Variants in RPL15 observed in about 807,000 individuals in gnomAD.
RPL15 encodes large ribosomal subunit protein eL15.
For synonymous variants in RPL15, 97 were observed against 95.1 expected, an observed-to-expected ratio of 1.02 and a Z score of -0.12; for missense variants, 161 against 271.8, an observed-to-expected ratio of 0.59 and a Z score of 2.87.
At chr3:23,917,655 G>T in intron 1 of RPL15, 195 bp from the exon 2 acceptor site, 1 of 573,688 alleles carries the variant, frequency 1.7e-6, no homozygotes, top group South Asian at 2.1e-5. Context: ...CTCTGTGCTG[G>T]GGTTGCGGAA....
Position 23,918,590 on chromosome 3 carries a change from A to C in RPL15, c.309+14A>C. 1 of 1,612,460 alleles carries C rather than the reference A, an allele frequency of 6.2e-7. No individual in the cohort carries two copies. The highest frequency in any genetic ancestry group is 8.5e-7 in the Non-Finnish European group (1 of 1,179,490). On this transcript the variant is annotated intron_variant, in intron 3 of 3. Transcript: ENST00000307839. ...TCCGTTGCAGAGGTAAATGGTTTTGAGTAGCAGTTATATTGAATACTGCCT... is the reference window on the plus strand; with the variant it reads ...TCCGTTGCAGAGGTAAATGGTTTTGCGTAGCAGTTATATTGAATACTGCCT...
chr3:23,918,933 A>G (rs1259202243), intron 3 of RPL15: 5 of 533,744 alleles, frequency 9.4e-6, no homozygotes, highest in Middle Eastern at 4.8e-4. Context: ...AAATTTTGTT[A>G]CCCAGATATT....
chr3:23,918,397 G>A (rs1704816923), intron 2 of RPL15, 43 bp from the exon 3 acceptor site: 4 of 1,600,496 alleles, frequency 2.5e-6, no homozygotes, highest in Middle Eastern at 2.3e-4. Flanking sequence ...TAAGCCTTAC[G>A]GCTTCCTATA....
chr3:23,917,655 G>C, intron 1 of RPL15, 195 bp from the exon 2 acceptor site: 1 of 573,688 alleles, frequency 1.7e-6, no homozygotes. Flanking sequence ...CTCTGTGCTG[G>C]GGTTGCGGAA....
chr3:23,922,748 T>C (rs1267840582), downstream of RPL15: 1 of 152,216 alleles, frequency 6.6e-6, no homozygotes, highest in Non-Finnish European at 1.5e-5. This position sits in a 1 kb window ranked among gnomAD's most constrained non-coding sequence, Gnocchi z 4.2. Context: ...GTATAGGCTC[T>C]ACAGTACAAA....
upstream of RPL15, chr3:23,916,925 T>G (rs1012077260): frequency 6.6e-6 from 1 of 152,590 alleles, no homozygotes; most frequent in African/African-American, 2.4e-5. Context: ...CGCCGCCAAC[T>G]CTCTCACCTC....
At chr3:23,921,626 G>C, downstream of RPL15, 1 of 647,062 alleles carries the variant, frequency 1.5e-6, no homozygotes, top group Non-Finnish European at 2.8e-6. Flanking sequence ...TCAGGTGGGA[G>C]TGCAGTGGGG....
At position 23,920,821 on chromosome 3, in the gene RPL15, A is replaced by T; in HGVS notation, c.*1320A>T. 2 of 930,972 alleles carry T rather than the reference A, an allele frequency of 2.1e-6. No individual in the cohort carries two copies. The highest frequency in any genetic ancestry group is 2.6e-6 in the Non-Finnish European group (2 of 780,304). The allele number at this position is 930,972 out of a possible 1,614,324, so 57.7% of individuals were successfully genotyped here. A position where few individuals can be genotyped will look rare whatever the true frequency, so the allele number is the denominator to read the frequency against. On this transcript the variant is annotated 3_prime_UTR_variant, in exon 4 of 4. Coordinates refer to ENST00000307839, the MANE Select transcript of RPL15 (RefSeq NM_002948.5). Reference sequence around the variant, plus strand: ...TGTGTAGAGGTTGTTCAACTGAAGGAATAAATGTCTATTAAACTAAAACAA... The same window carrying T: ...TGTGTAGAGGTTGTTCAACTGAAGGTATAAATGTCTATTAAACTAAAACAA...
rs1705018807 is a variant in RPL15 at position 23,920,522 on chromosome 3, T to G, written c.*1021T>G. 2 of 985,188 alleles carry G rather than the reference T, an allele frequency of 2.0e-6. No individual in the cohort carries two copies. Among genetic ancestry groups the G allele is most frequent in the African/African-American group, 1.7e-5 (1 of 57,242 alleles). 61.0% of individuals were successfully genotyped at this position (985,188 alleles called of 1,614,324 possible). ...GTATACCACCACATTGCATTTCTGT[T>G]TGCACCATGTCTTCCAGGAGACTAG... is the stretch of plus-strand genomic sequence containing the variant. On this transcript the variant is annotated 3_prime_UTR_variant, in exon 4 of 4. Transcript: ENST00000307839.
chr3:23,917,674 A>C (rs1575117940), intron 1 of RPL15, 176 bp from the exon 2 acceptor site: 1 of 611,242 alleles, frequency 1.6e-6, no homozygotes, highest in East Asian at 3.0e-5. Flanking sequence ...AAGTGACTGA[A>C]CGCGGCTCCG....
At position 23,917,841 on chromosome 3, in the gene RPL15, A is replaced by G; in HGVS notation, c.-10-9A>G. The stretch of plus-strand genomic sequence containing the variant: ...CGGATGATATTTAATACACAGTTTG[A>G]TTTCACAGGTAAGCCAAGATGGGTG... On this transcript the variant is annotated splice_polypyrimidine_tract_variant and intron_variant, in intron 1 of 3. Transcript: ENST00000307839. 3 of 1,606,488 alleles carry G rather than the reference A, an allele frequency of 1.9e-6. No homozygotes were observed. The highest frequency in any genetic ancestry group is 2.5e-6 in the Non-Finnish European group (3 of 1,177,086).
At chr3:23,922,698 T>C (rs951069585), downstream of RPL15, 3 of 152,248 alleles carry the variant, frequency 2.0e-5, no homozygotes, top group Admixed American at 1.3e-4. The surrounding 1 kb of genome is among the most constrained non-coding windows in gnomAD (Gnocchi z 4.2). Context: ...CTTAAAGTTT[T>C]TGATAGATAA....
At chr3:23,917,683 C>T (rs560830084) in intron 1 of RPL15, 167 bp from the exon 2 acceptor site, 3 of 646,908 alleles carry the variant, frequency 4.6e-6, no homozygotes, top group East Asian at 3.0e-5. Flanking sequence ...AACGCGGCTC[C>T]GTGGGCGCAG....
chr3:23,916,664 C>A (rs1213538753), upstream of RPL15: 1 of 152,618 alleles, frequency 6.6e-6, no homozygotes, highest in Non-Finnish European at 1.5e-5. Flanking sequence ...TCTCTCAGCG[C>A]AGCTCTGGGG....
downstream of RPL15, chr3:23,924,318 G>C (rs974300579): frequency 6.6e-6 from 1 of 152,192 alleles, no homozygotes; most frequent in Non-Finnish European, 1.5e-5. Context: ...TTTTCTATCA[G>C]AGAATCCCCC....
downstream of RPL15, chr3:23,922,007 A>G: frequency 5.8e-6 from 1 of 173,228 alleles, no homozygotes; most frequent in Non-Finnish European, 1.2e-5. This position sits in a 1 kb window ranked among gnomAD's most constrained non-coding sequence, Gnocchi z 4.2. Flanking sequence ...CACCGGGCCC[A>G]AATTTACTTT....
intron 3 of RPL15, 69 bp from the exon 4 acceptor site, chr3:23,919,127 A>G (rs1704922684): frequency 1.9e-6 from 2 of 1,078,558 alleles, no homozygotes; most frequent in East Asian, 2.4e-5. Flanking sequence ...GTTGAGAATT[A>G]AAATTCTTTC....
Position 23,919,616 on chromosome 3 carries a change from T to A in RPL15, c.*115T>A. On this transcript the variant is annotated 3_prime_UTR_variant, in exon 4 of 4. Transcript: ENST00000307839. Reference sequence around the variant, plus strand: ...CTGCAGATGTTTCTTGAATGCTTTGTCAAATTAAGAAAGTTAAAGTGCAAT... The same window carrying A: ...CTGCAGATGTTTCTTGAATGCTTTGACAAATTAAGAAAGTTAAAGTGCAAT... The A allele has an allele frequency of 7.0e-7, 1 of 1,424,030 alleles. No individual in the cohort carries two copies. The highest frequency in any genetic ancestry group is 9.1e-7 in the Non-Finnish European group (1 of 1,093,290). 88.2% of individuals were successfully genotyped at this position (1,424,030 alleles called of 1,614,324 possible). A position where few individuals can be genotyped will look rare whatever the true frequency, so the allele number is the denominator to read the frequency against.
At chr3:23,922,664 G>A (rs1016473526), downstream of RPL15, 12 of 152,018 alleles carry the variant, frequency 7.9e-5, no homozygotes, top group African/African-American at 2.7e-4. The surrounding 1 kb of genome is among the most constrained non-coding windows in gnomAD (Gnocchi z 4.2). Flanking sequence ...GGGATTACAG[G>A]TGTCAGCCAC....
Sources: gnomAD v4.1 joint callset for allele counts on GRCh38, gnomAD v4.1.1 for gene constraint, Gnocchi (gnomAD v3.1) non-coding constraint, MANE v1.5 for transcripts, NCBI Gene and HGNC (gene_info 2026-07-23, HGNC 2026-07-21) for gene names.